Variants in YLPM1 observed in about 807,000 individuals in gnomAD.
YLPM1 encodes YLP motif containing 1, also known as YLP motif-containing protein 1.
Under a neutral mutation model 230.0 loss-of-function variants are expected in YLPM1, and 99 were observed. The ratio of observed to expected loss-of-function variants is 0.43; its 90% CI spans 0.37 to 0.51. The LOEUF is 0.51. Ranked by LOEUF, YLPM1 falls within the 20% of genes least tolerant of loss-of-function variation. YLPM1 has a pLI of 0.00. For synonymous variants in YLPM1, 984 were observed against 942.5 expected, an observed-to-expected ratio of 1.04 and a Z score of -0.81; for missense variants, 2,592 against 2,707.7, an observed-to-expected ratio of 0.96 and a Z score of 0.95.
chr14:74,782,516 C>G (rs1250305279), intron 4 of YLPM1, among the ~76,000 whole-genome samples, 191 bp downstream of exon 4: 5 of 152,102 alleles, frequency 3.3e-5, no homozygotes, highest in Non-Finnish European at 5.9e-5. Flanking sequence ...TTTGATGTCT[C>G]TGCTTTTGTC....
intron 11 of YLPM1, among the ~76,000 whole-genome samples, chr14:74,813,681 G>A (rs920421007): frequency 6.6e-6 from 1 of 151,898 alleles, no homozygotes; most frequent in African/African-American, 2.4e-5. Context: ...CTGGAGTTTG[G>A]GCTTCTAAAG....
intron 18 of YLPM1, among the ~76,000 whole-genome samples, chr14:74,824,768 T>C (rs1354160703): frequency 6.6e-6 from 1 of 151,922 alleles, no homozygotes; most frequent in Non-Finnish European, 1.5e-5. Context: ...TAGAGAGGAG[T>C]AGATATATAA....
intron 6 of YLPM1, among the ~76,000 whole-genome samples, chr14:74,805,513 TA>T (rs796601038): frequency 7.4e-4 from 106 of 142,476 alleles, no homozygotes; most frequent in East Asian, 1.4e-3. Context: ...TGGCTAATAA[TA>T]AAAAAAAAAA....
Position 74,811,744 on chromosome 14 carries a change from G to A in YLPM1, c.5347+6G>A. 2 of 1,562,614 alleles carry A rather than the reference G, an allele frequency of 1.3e-6. No individual in the cohort carries two copies. The highest frequency in any genetic ancestry group is 2.3e-5 in the East Asian group (1 of 43,738). ...AGGACCATCCATGTTTGGAGGTAGA[G>A]TGATGCCTTATTAACTACAAGGATG... is the stretch of plus-strand genomic sequence containing the variant. On this transcript the variant is annotated splice_donor_region_variant and intron_variant, in intron 10 of 20. Coordinates refer to ENST00000325680, the MANE Select transcript of YLPM1 (RefSeq NM_019589.3).
At chr14:74,784,311 G>T (rs2091125050) in intron 4 of YLPM1, among the ~76,000 whole-genome samples, 1 of 152,128 alleles carries the variant, frequency 6.6e-6, no homozygotes, top group Non-Finnish European at 1.5e-5. Flanking sequence ...CTCTGTGCTG[G>T]GAGGATATTA....
intron 4 of YLPM1, among the ~76,000 whole-genome samples, chr14:74,796,077 A>G (rs1239283092): frequency 6.6e-6 from 1 of 152,212 alleles, no homozygotes; most frequent in African/African-American, 2.4e-5. Context: ...AGAGATATTG[A>G]GAAAGAGAGT....
chr14:74,764,934 G>GA (rs2090896850), intron 1 of YLPM1, among the ~76,000 whole-genome samples: 1 of 152,164 alleles, frequency 6.6e-6, no homozygotes, highest in African/African-American at 2.4e-5. Context: ...ACAATACATA[G>GA]ATGAGTCCCG....
rs2091284733 is a variant in YLPM1 at position 74,798,287 on chromosome 14, A to G, written c.2990A>G (p.Asp997Gly). The G allele has an allele frequency of 6.2e-7, 1 of 1,613,880 alleles. No individual in the cohort carries two copies. The highest frequency in any genetic ancestry group is 8.5e-7 in the Non-Finnish European group (1 of 1,179,906). Residue 997 changes from aspartate (D) to glycine (G), a missense_variant, in exon 5 of 21, where the codon GAT (aspartate) becomes GGT (glycine). By Grantham distance (94) the Asp-to-Gly change is moderately conservative. Transcript: ENST00000325680. ...CTACCCCATTCAGAAAACAACCAAG[A>G]TAAAGGCCTGCCTCGGCCAGATAAT... ...IGLPHSENNQ[D>G]KGLPRPDNRD...
At chr14:74,769,259 C>CTTTTTTTTTTTTTTTTTTTTT (rs34023289) in intron 1 of YLPM1, among the ~76,000 whole-genome samples, 6 of 38,410 alleles carry the variant, frequency 1.6e-4, no homozygotes, top group Non-Finnish European at 1.6e-4. Flanking sequence ...GTATTTTTAT[C>CTTTTTTTTTTTTTTTTTTTTT]TTTTTTTTTT....
chr14:74,790,284 C>T (rs1382534656), intron 4 of YLPM1, among the ~76,000 whole-genome samples: 1 of 151,960 alleles, frequency 6.6e-6, no homozygotes, highest in African/African-American at 2.4e-5. Context: ...TATGGTTGTT[C>T]TTGTTTATAG....
chr14:74,776,908 A>G (rs930308986), intron 1 of YLPM1, among the ~76,000 whole-genome samples: 3 of 152,038 alleles, frequency 2.0e-5, no homozygotes, highest in African/African-American at 7.2e-5. Context: ...AAATACAAAA[A>G]TTATCCAGAT....
At chr14:74,806,454 A>G (rs2091379292) in intron 6 of YLPM1, among the ~76,000 whole-genome samples, 1 of 152,020 alleles carries the variant, frequency 6.6e-6, no homozygotes, top group East Asian at 1.9e-4. Flanking sequence ...GGCACGCGCC[A>G]GGTGGTGCGC....
intron 4 of YLPM1, among the ~76,000 whole-genome samples, chr14:74,784,676 C>CT (rs1338614700): frequency 1.3e-5 from 2 of 152,204 alleles, no homozygotes; most frequent in Non-Finnish European, 2.9e-5. Flanking sequence ...AAATGTGATT[C>CT]TTTAACTTTT....
rs1443175425 is a variant in YLPM1 at position 74,810,363 on chromosome 14, G to T, written c.5171G>T (p.Gly1724Val). The T allele has an allele frequency of 1.2e-6, 2 of 1,613,616 alleles. No homozygotes were observed. Among genetic ancestry groups the T allele is most frequent in the Non-Finnish European group, 1.7e-6 (2 of 1,179,852 alleles). Residue 1724 changes from glycine (G) to valine (V), a missense_variant, in exon 9 of 21, where the codon GGT becomes GTT. By Grantham distance (109) the Gly-to-Val change is moderately radical. Transcript: ENST00000325680. ...ETHRDRDRDR[G>V]VIDYDRDRFD... ...CATAGAGATCGAGACCGGGATCGTG[G>T]TGTTATTGACTATGACCGGGATCGA...
intron 11 of YLPM1, among the ~76,000 whole-genome samples, chr14:74,813,364 C>T (rs949444742): frequency 4.0e-5 from 6 of 151,806 alleles, no homozygotes; most frequent in Admixed American, 6.6e-5. Context: ...TCCTTTCATT[C>T]TATTTGTATC....
At chr14:74,809,215 G>T (rs1363190630) in intron 6 of YLPM1, among the ~76,000 whole-genome samples, 165 bp from the exon 7 acceptor site, 1 of 151,680 alleles carries the variant, frequency 6.6e-6, no homozygotes, top group Non-Finnish European at 1.5e-5. Context: ...CCTTTCTGTG[G>T]CTTGTCCTCA....
At chr14:74,827,332 C>T in intron 18 of YLPM1, 2 of 985,294 alleles carry the variant, frequency 2.0e-6, no homozygotes, top group Non-Finnish European at 2.4e-6. Context: ...GATTTCTTTC[C>T]CCTCACCTTA....
chr14:74,809,804 A>G lies in YLPM1; in HGVS notation c.4939+7A>G, dbSNP rs1204892104. The G allele has an allele frequency of 1.1e-5, 18 of 1,613,376 alleles. No homozygotes were observed. The highest frequency in any genetic ancestry group is 1.4e-5 in the Non-Finnish European group (17 of 1,179,724). On this transcript the variant is annotated splice_region_variant and intron_variant, in intron 7 of 20. Transcript: ENST00000325680. ...GATTATGGCCATGGCCGAGGTGAGTAATGATAGTGCACTTGTATTTGGGAT... is the reference window on the plus strand; with the variant it reads ...GATTATGGCCATGGCCGAGGTGAGTGATGATAGTGCACTTGTATTTGGGAT...
At chr14:74,810,760 T>TGGCAGCCAGCCAAGGAAAA (rs2091426461) in intron 9 of YLPM1, among the ~76,000 whole-genome samples, 2 of 152,054 alleles carry the variant, frequency 1.3e-5, no homozygotes, top group Admixed American at 1.3e-4. Flanking sequence ...AAGGGCATTC[T>TGGCAGCCAGCCAAGGAAAA]GGCAGCCAGC....
Sources: allele counts gnomAD v4.1 joint callset (sites outside exome capture counted in the v4.1 genomes callset), GRCh38; gene constraint gnomAD v4.1.1; transcripts MANE v1.5; gene names NCBI Gene and HGNC (gene_info 2026-07-23, HGNC 2026-07-21).